TCEANC2: variants seen among roughly 807,000 people sequenced by gnomAD.
The protein encoded by TCEANC2 is transcription elongation factor A N-terminal and central domain containing 2.
A neutral mutation model predicts 22.8 loss-of-function variants in TCEANC2; 20 were observed. The ratio of observed to expected loss-of-function variants is 0.88; its 90% CI spans 0.62 to 1.28. The LOEUF is 1.28. Ranked by LOEUF, TCEANC2 falls within the 50% of genes most tolerant of loss-of-function variation. TCEANC2 has a pLI of 0.00. For missense variants in TCEANC2, 251 were observed against 249.7 expected (o/e 1.01, Z -0.03); for synonymous variants, 84 against 95.5 (o/e 0.88, Z 0.70).
At position 54,065,766 on chromosome 1, in the gene TCEANC2, T is replaced by G. The variant is rs143818098; in HGVS notation, c.103-2990T>G. ...ACTCAAATCATAGAAATATAATAAG[T>G]AACTTCCAAACCATAGAGGGAAAAA... On this transcript the variant is annotated intron_variant, in intron 2 of 4. Transcript: ENST00000234827. 1.7e-4 allele frequency among the ~76,000 whole-genome samples: 25 copies of G among 150,846 alleles called. No individual in the cohort carries two copies. The East Asian group carries it at 4.9e-3, about 29-fold the overall frequency.
chr1:54,079,521 T>C (rs1658201092), intron 3 of TCEANC2, among the ~76,000 whole-genome samples: 1 of 152,192 alleles, frequency 6.6e-6, no homozygotes, highest in African/African-American at 2.4e-5. Flanking sequence ...CTAGTTGCCT[T>C]TTCTAGTTTC....
At chr1:54,058,930 C>G (rs1657801092) in intron 2 of TCEANC2, among the ~76,000 whole-genome samples, 1 of 152,202 alleles carries the variant, frequency 6.6e-6, no homozygotes, top group African/African-American at 2.4e-5. Flanking sequence ...GCTAGGATTA[C>G]AGGCGTGAGC....
intron 3 of TCEANC2, among the ~76,000 whole-genome samples, chr1:54,083,360 G>T (rs1226921176): frequency 1.3e-5 from 2 of 152,162 alleles, no homozygotes; most frequent in African/African-American, 4.8e-5. Flanking sequence ...CCCTAGCTGG[G>T]GTTCACAGAT....
intron 4 of TCEANC2, among the ~76,000 whole-genome samples, chr1:54,095,977 C>A (rs192912023): frequency 2.0e-5 from 3 of 152,282 alleles, no homozygotes; most frequent in African/African-American, 7.2e-5. Flanking sequence ...ATTTATTATT[C>A]TTGGTCTTCG....
chr1:54,083,453 AGC>A (rs1658283642), intron 3 of TCEANC2, among the ~76,000 whole-genome samples: 1 of 152,208 alleles, frequency 6.6e-6, no homozygotes, highest in Non-Finnish European at 1.5e-5. Flanking sequence ...TGTCTCCAAA[AGC>A]AATGCAAGAG....
chr1:54,109,777 T>C (rs902928538), downstream of TCEANC2, among the ~76,000 whole-genome samples: 2 of 152,086 alleles, frequency 1.3e-5, no homozygotes, highest in Admixed American at 1.3e-4. Flanking sequence ...TGGTGCTGGG[T>C]CAGTAAATCT....
At chr1:54,090,868 T>C (rs894648082) in intron 4 of TCEANC2, among the ~76,000 whole-genome samples, 5 of 152,206 alleles carry the variant, frequency 3.3e-5, no homozygotes, top group Admixed American at 1.3e-4. Flanking sequence ...TTTAAGTAAA[T>C]GATAATAACA....
At chr1:54,065,159 CAG>C (rs1657929432) in intron 2 of TCEANC2, among the ~76,000 whole-genome samples, 1 of 152,086 alleles carries the variant, frequency 6.6e-6, no homozygotes, top group Admixed American at 6.5e-5. Context: ...AGAAGAAAAA[CAG>C]AACTTGTCCA....
At chr1:54,084,659 C>T (rs188834705) in intron 3 of TCEANC2, among the ~76,000 whole-genome samples, 112 of 151,960 alleles carry the variant, frequency 7.4e-4, no homozygotes, top group African/African-American at 2.5e-3. Context: ...GTCAGGAGTT[C>T]GAGACCAGCC....
At chr1:54,070,882 C>G (rs1658043908) in intron 3 of TCEANC2, among the ~76,000 whole-genome samples, 1 of 152,104 alleles carries the variant, frequency 6.6e-6, no homozygotes, top group Admixed American at 6.6e-5. Context: ...AATAGAAACA[C>G]AGTTTAACAA....
downstream of TCEANC2, among the ~76,000 whole-genome samples, chr1:54,109,456 TTAA>T (rs1658808852): frequency 6.6e-6 from 1 of 152,092 alleles, no homozygotes; most frequent in African/African-American, 2.4e-5. Context: ...TTGGAGAACT[TTAA>T]AGGTTTTCAG....
At chr1:54,072,187 C>A (rs1378433456) in intron 3 of TCEANC2, among the ~76,000 whole-genome samples, 1 of 152,080 alleles carries the variant, frequency 6.6e-6, no homozygotes, top group Non-Finnish European at 1.5e-5. Context: ...TAATTAGAAG[C>A]ATATTAGGTC....
At chr1:54,065,812 C>T (rs1657944287) in intron 2 of TCEANC2, among the ~76,000 whole-genome samples, 1 of 152,094 alleles carries the variant, frequency 6.6e-6, no homozygotes, top group Non-Finnish European at 1.5e-5. Flanking sequence ...GGCACAGTGG[C>T]TCACACTTGT....
chr1:54,072,217 T>C (rs1184316703), intron 3 of TCEANC2, among the ~76,000 whole-genome samples: 1 of 152,196 alleles, frequency 6.6e-6, no homozygotes, highest in Non-Finnish European at 1.5e-5. Flanking sequence ...TCATACCCTT[T>C]AGTTTATCTA....
chr1:54,107,695 T>G (rs187775569), downstream of TCEANC2, among the ~76,000 whole-genome samples: 78 of 152,344 alleles, frequency 5.1e-4, no homozygotes, highest in African/African-American at 1.9e-3. Context: ...TTTTTCATAG[T>G]GATCATAAAT....
At position 54,105,912 on chromosome 1, in the gene TCEANC2, C is replaced by A. The variant is rs1658746260; in HGVS notation, c.*9439C>A. The stretch of plus-strand genomic sequence containing the variant: ...GGGATTATAGACATGAATCACCACA[C>A]CCGGCCAGCAAACTTTTTTAAAGGA... On this transcript the variant is annotated 3_prime_UTR_variant, in exon 5 of 5. Transcript: ENST00000234827. The A allele has an allele frequency of 6.6e-6, 1 of 152,136 alleles. No individual in the cohort carries two copies. The highest frequency in any genetic ancestry group is 2.4e-5 in the African/African-American group (1 of 41,420). The allele number at this position is 152,136 out of a possible 1,614,324, so 9.4% of individuals were successfully genotyped here.
Position 54,096,568 on chromosome 1 carries a change from C to G in TCEANC2, c.*95C>G, listed in dbSNP as rs1658560926. 6.8e-7 allele frequency: 1 copy of G among 1,469,132 alleles called. No individual in the cohort carries two copies. The highest frequency in any genetic ancestry group is 1.4e-5 in the African/African-American group (1 of 71,196). The allele number at this position is 1,469,132 out of a possible 1,614,324, so 91.0% of individuals were successfully genotyped here. A position where few individuals can be genotyped will look rare whatever the true frequency, so the allele number is the denominator to read the frequency against. ...TTTTGAGTTTGGGTGATGGCTGATG[C>G]TGGCTGTGCTAGATTTTCCCATGGT... On this transcript the variant is annotated 3_prime_UTR_variant, in exon 5 of 5. Transcript: ENST00000234827. This position sits in a 1 kb window ranked among gnomAD's most constrained non-coding sequence, Gnocchi z 4.9.
intron 4 of TCEANC2, among the ~76,000 whole-genome samples, chr1:54,092,991 G>A (rs1658476505): frequency 6.6e-6 from 1 of 152,192 alleles, no homozygotes; most frequent in East Asian, 1.9e-4. Flanking sequence ...TGAACAGAAA[G>A]GATATTGGAG....
chr1:54,066,265 G>A (rs1455541694), intron 2 of TCEANC2, among the ~76,000 whole-genome samples: 8 of 150,204 alleles, frequency 5.3e-5, no homozygotes, highest in Admixed American at 2.6e-4. Context: ...AACAAAAAAA[G>A]GAAAAAGGAA....
Sources: gnomAD v4.1 joint callset for allele counts (sites outside exome capture counted in the v4.1 genomes callset) on GRCh38, gnomAD v4.1.1 for gene constraint, Gnocchi (gnomAD v3.1) non-coding constraint, MANE v1.5 for transcripts, NCBI Gene and HGNC (gene_info 2026-07-23, HGNC 2026-07-21) for gene names.